The following MAP3K13 variants were observed in gnomAD, a reference collection of about 807,000 sequenced individuals.
The protein encoded by MAP3K13 is mitogen-activated protein kinase kinase kinase 13.
MAP3K13 carries 52 observed loss-of-function variants against 104.0 expected under a neutral mutation model. That is an observed-to-expected ratio of 0.50 (90% CI 0.40 to 0.63). MAP3K13 has a LOEUF of 0.63. Among genes scored for constraint, MAP3K13 ranks in the 20% least tolerant of loss-of-function variants. MAP3K13 has a pLI of 0.00. For missense variants in MAP3K13, 914 were observed against 1,218.5 expected (o/e 0.75, Z 3.72); for synonymous variants, 394 against 442.2 (o/e 0.89, Z 1.37).
chr3:185,463,538 G>T lies in MAP3K13; in HGVS notation c.1279-12G>T. ...CCTGGAATTTATCAAAATCTAATTT[G>T]TCCTTACCCAGGCTGAATGGAGAGA... On this transcript the variant is annotated splice_polypyrimidine_tract_variant and intron_variant, in intron 7 of 13. Transcript: ENST00000265026. 1 of 1,496,770 alleles carries T rather than the reference G, an allele frequency of 6.7e-7. No individual in the cohort carries two copies. 92.7% of individuals were successfully genotyped at this position (1,496,770 alleles called of 1,614,324 possible).
chr3:185,458,256 T>C (rs1716881551), intron 7 of MAP3K13, among the ~76,000 whole-genome samples: 1 of 151,040 alleles, frequency 6.6e-6, no homozygotes, highest in Non-Finnish European at 1.5e-5. Flanking sequence ...TAATGCCAGC[T>C]ACTTGGGAGG....
At chr3:185,320,876 T>A (rs1439203302) in intron 2 of MAP3K13, among the ~76,000 whole-genome samples, 1 of 152,236 alleles carries the variant, frequency 6.6e-6, no homozygotes, top group Non-Finnish European at 1.5e-5. Flanking sequence ...TGGTATACTG[T>A]GTACTACACT....
At chr3:185,320,105 G>C (rs1321879185) in intron 2 of MAP3K13, among the ~76,000 whole-genome samples, 1 of 150,358 alleles carries the variant, frequency 6.7e-6, no homozygotes, top group Non-Finnish European at 1.5e-5. Flanking sequence ...TTTTGAGAAG[G>C]AGTCTTGCTC....
intron 2 of MAP3K13, among the ~76,000 whole-genome samples, chr3:185,339,091 G>A (rs900578903): frequency 4.6e-5 from 7 of 152,140 alleles, no homozygotes; most frequent in Non-Finnish European, 8.8e-5. Context: ...AAGCTGAGGC[G>A]GGTGGGTCAC....
chr3:185,465,644 G>C (rs1340894986), intron 8 of MAP3K13, 103 bp from the exon 9 acceptor site: 1 of 787,668 alleles, frequency 1.3e-6, no homozygotes, highest in Non-Finnish European at 2.2e-6. Flanking sequence ...GAGGGCCTTG[G>C]GCAAATGCTT....
chr3:185,348,279 G>A lies in MAP3K13; in HGVS notation c.-86+62636G>A, dbSNP rs1050563216. Among the ~76,000 whole-genome samples, 38 of 152,146 alleles carry A rather than the reference G, an allele frequency of 2.5e-4. 1 individual carries two copies. Among genetic ancestry groups the A allele is most frequent in the African/African-American group, 8.9e-4 (37 of 41,510 alleles). On this transcript the variant is annotated intron_variant, in intron 2 of 14. Coordinates refer to the MAP3K13 transcript ENST00000424227. ...CACCAGCCTCTTTTCTAGACAAATG[G>A]CCTTTTGAAGATGACCATTTATTAT... is the stretch of plus-strand genomic sequence containing the variant.
intron 2 of MAP3K13, among the ~76,000 whole-genome samples, chr3:185,309,694 G>T (rs1721431070): frequency 6.6e-6 from 1 of 152,184 alleles, no homozygotes; most frequent in Non-Finnish European, 1.5e-5. Context: ...TCCAGGCAAA[G>T]ATTCACTGAT....
chr3:185,394,271 C>T (rs548477730), intron 1 of MAP3K13, among the ~76,000 whole-genome samples: 1 of 152,302 alleles, frequency 6.6e-6, no homozygotes, highest in South Asian at 2.1e-4. Flanking sequence ...AGTGACTTCT[C>T]ATTTAGAATT....
chr3:185,294,464 C>T (rs1720850351), intron 2 of MAP3K13, among the ~76,000 whole-genome samples: 1 of 152,154 alleles, frequency 6.6e-6, no homozygotes, highest in African/African-American at 2.4e-5. Flanking sequence ...TTACTTTTCT[C>T]TGCTTATAAA....
intron 5 of MAP3K13, among the ~76,000 whole-genome samples, chr3:185,448,743 C>T (rs969428989): frequency 2.6e-5 from 4 of 152,162 alleles, no homozygotes; most frequent in Admixed American, 2.0e-4. Context: ...ACAAAATGTG[C>T]TAAACTCTTG....
At chr3:185,306,584 G>A (rs1219738534) in intron 2 of MAP3K13, among the ~76,000 whole-genome samples, 1 of 152,180 alleles carries the variant, frequency 6.6e-6, no homozygotes, top group South Asian at 2.1e-4. Context: ...CTTGTTTTGA[G>A]AAGTGTCTGT....
intron 8 of MAP3K13, 77 bp from the exon 9 acceptor site, chr3:185,465,670 C>T (rs1717367605): frequency 3.2e-6 from 3 of 943,294 alleles, no homozygotes; most frequent in Non-Finnish European, 5.2e-6. Flanking sequence ...ATCAATCATC[C>T]TGTTTCTTAT....
rs35693572 is a variant in MAP3K13 at position 185,407,869 on chromosome 3, A to ATT, written c.-85-20604_-85-20603dup. ...TAGATTTCCTTGTAGAATTTTGAGA[A>ATT]TTTTTTTTTTTTTTTTTTTTTTTTT... On this transcript the variant is annotated intron_variant, in intron 1 of 13. Coordinates refer to ENST00000265026, the MANE Select transcript of MAP3K13 (RefSeq NM_004721.5). Among the ~76,000 whole-genome samples the ATT allele has an allele frequency of 8.1e-3, 559 of 69,000 alleles. 2 individuals carry two copies. Among genetic ancestry groups the ATT allele is most frequent in the East Asian group, 0.013 (34 of 2,590 alleles). The allele number at this position is 69,000 out of a possible 152,430, so 45.3% of individuals were successfully genotyped here.
chr3:185,447,741 T>C, intron 4 of MAP3K13, 48 bp from the exon 5 acceptor site: 1 of 1,412,946 alleles, frequency 7.1e-7, no homozygotes, highest in Non-Finnish European at 9.7e-7. Context: ...ATCATGGTTT[T>C]CGTTAGTACT....
chr3:185,433,159 G>C (rs115494961), intron 2 of MAP3K13, among the ~76,000 whole-genome samples: 182 of 152,296 alleles, frequency 1.2e-3, no homozygotes, highest in African/African-American at 4.2e-3. Context: ...ATCTTTTATT[G>C]TCAAATAGTT....
chr3:185,339,361 A>G (rs1722634628), intron 2 of MAP3K13, among the ~76,000 whole-genome samples: 1 of 152,236 alleles, frequency 6.6e-6, no homozygotes, highest in African/African-American at 2.4e-5. Flanking sequence ...ATGAAATGAA[A>G]TGAAATAAAA....
chr3:185,298,199 C>T (rs150207847), intron 2 of MAP3K13, among the ~76,000 whole-genome samples: 10 of 152,122 alleles, frequency 6.6e-5, no homozygotes, highest in Non-Finnish European at 1.5e-4. Context: ...TCTTAGAAAG[C>T]TTTCTCTTTT....
At chr3:185,359,299 T>C (rs1723506228), upstream of MAP3K13, among the ~76,000 whole-genome samples, 1 of 152,238 alleles carries the variant, frequency 6.6e-6, no homozygotes, top group Non-Finnish European at 1.5e-5. Context: ...ATGGAGGAAC[T>C]GCCCCCATGA....
chr3:185,373,498 C>T (rs1430512165), intron 1 of MAP3K13, among the ~76,000 whole-genome samples: 5 of 152,052 alleles, frequency 3.3e-5, no homozygotes, highest in South Asian at 2.1e-4. Context: ...AAAAATTAGC[C>T]AGGTGTGGTG....
Sources: gnomAD v4.1 joint callset for allele counts (sites outside exome capture counted in the v4.1 genomes callset) on GRCh38, gnomAD v4.1.1 for gene constraint, MANE v1.5 for transcripts, NCBI Gene and HGNC (gene_info 2026-07-23, HGNC 2026-07-21) for gene names.